Variants in FRMPD4 observed in about 807,000 individuals in gnomAD.
FRMPD4 encodes the protein FERM and PDZ domain-containing protein 4.
A neutral mutation model predicts 94.1 loss-of-function variants in FRMPD4; 22 were observed. That is an observed-to-expected ratio of 0.23 (90% CI 0.17 to 0.33). FRMPD4 has a LOEUF of 0.33. FRMPD4 is among the 10% of genes least tolerant of loss of function. The pLI is 1.00. For missense variants in FRMPD4, 1,111 were observed against 1,339.9 expected (o/e 0.83, Z 2.67); for synonymous variants, 631 against 548.6 (o/e 1.15, Z -2.10).
chrX:12,356,525 G>C (rs1322844720), intron 1 of FRMPD4, among the ~76,000 whole-genome samples: 2 of 111,176 alleles, frequency 1.8e-5, no homozygotes, highest in African/African-American at 6.5e-5. Context: ...TGGAACCCTT[G>C]TGATGGGATT....
chrX:12,093,023 G>A lies in FRMPD4; in HGVS notation c.95+215005G>A, dbSNP rs1043574425. On this transcript the variant is annotated intron_variant, in intron 3 of 18. Coordinates refer to the FRMPD4 transcript ENST00000640291. ...TAGGGGGAAAAGTTCTAGAAAGAGG[G>A]AACCACAAGGGCATAGACCTTGAGG... Among the ~76,000 whole-genome samples the A allele has an allele frequency of 4.5e-5, 5 of 111,261 alleles. 1 individual carries two copies. Among genetic ancestry groups the A allele is most frequent in the Admixed American group, 1.9e-4 (2 of 10,465 alleles).
At chrX:12,412,988 A>C (rs773029164) in intron 1 of FRMPD4, among the ~76,000 whole-genome samples, 65 of 111,472 alleles carry the variant, frequency 5.8e-4, no homozygotes, top group Non-Finnish European at 8.1e-4. Context: ...AAAAAAAAAA[A>C]ACACACATTT....
chrX:12,681,438 T>C (rs764695563), intron 5 of FRMPD4, among the ~76,000 whole-genome samples: 17 of 112,601 alleles, frequency 1.5e-4, no homozygotes, highest in Non-Finnish European at 2.8e-4. Context: ...GCAGGACTTT[T>C]AAAAGTCACG....
intron 1 of FRMPD4, among the ~76,000 whole-genome samples, chrX:12,335,809 G>A (rs1315688108): frequency 8.9e-6 from 1 of 112,322 alleles, no homozygotes; most frequent in Non-Finnish European, 1.9e-5. Flanking sequence ...CCAAGCAAAG[G>A]TATGGTCCTC....
intron 1 of FRMPD4, among the ~76,000 whole-genome samples, chrX:12,448,926 G>A (rs2057232270): frequency 9.0e-6 from 1 of 111,321 alleles, no homozygotes; most frequent in Non-Finnish European, 1.9e-5. Flanking sequence ...TGATGCTTAA[G>A]GGTGCTTAGG....
intron 1 of FRMPD4, among the ~76,000 whole-genome samples, chrX:12,404,439 A>T (rs1601904932): frequency 8.9e-6 from 1 of 112,454 alleles, no homozygotes; most frequent in Non-Finnish European, 1.9e-5. Context: ...GTCTTGTAGA[A>T]TATCTCAACT....
At chrX:12,027,086 C>G (rs768753055) in intron 3 of FRMPD4, among the ~76,000 whole-genome samples, 1 of 112,146 alleles carries the variant, frequency 8.9e-6, no homozygotes, top group Non-Finnish European at 1.9e-5. Flanking sequence ...CACAAGGCAG[C>G]TTATTTGATT....
intron 1 of FRMPD4, among the ~76,000 whole-genome samples, chrX:12,167,311 C>T (rs764503479): frequency 8.9e-6 from 1 of 111,855 alleles, no homozygotes; most frequent in East Asian, 2.8e-4. Flanking sequence ...TTGTTATGTA[C>T]CCAGTAGTCA....
At chrX:12,215,401 C>T (rs1197239206) in intron 1 of FRMPD4, among the ~76,000 whole-genome samples, 2 of 111,072 alleles carry the variant, frequency 1.8e-5, no homozygotes, top group Non-Finnish European at 3.8e-5. Flanking sequence ...TCTTCTTAAC[C>T]TCCTGCCCCT....
chrX:11,907,760 A>G (rs2053975725), intron 3 of FRMPD4, among the ~76,000 whole-genome samples: 1 of 111,851 alleles, frequency 8.9e-6, no homozygotes, highest in African/African-American at 3.3e-5. Context: ...TTGCAATAAC[A>G]TATTGTAGAA....
At chrX:12,510,611 T>G (rs149008462) in intron 2 of FRMPD4, among the ~76,000 whole-genome samples, 6,662 of 111,829 alleles carry the variant, frequency 0.06, 163 homozygotes, top group East Asian at 0.12. Context: ...TAAAGACCAG[T>G]TGAAAAGTTA....
chrX:12,597,403 A>G (rs2059041985), intron 2 of FRMPD4, among the ~76,000 whole-genome samples: 1 of 112,508 alleles, frequency 8.9e-6, no homozygotes, highest in South Asian at 3.7e-4. Context: ...GTATTGACAA[A>G]TAGAACTGAG....
intron 1 of FRMPD4, among the ~76,000 whole-genome samples, chrX:12,385,532 G>A: frequency 8.9e-6 from 1 of 112,076 alleles, no homozygotes; most frequent in Middle Eastern, 4.6e-3. Flanking sequence ...ATTGTCACAA[G>A]GTCAGTAATT....
intron 1 of FRMPD4, among the ~76,000 whole-genome samples, chrX:11,836,501 C>A (rs2053502233): frequency 9.0e-6 from 1 of 111,585 alleles, no homozygotes; most frequent in African/African-American, 3.3e-5. Flanking sequence ...AATTATCACT[C>A]CTACTCTGAA....
At chrX:11,989,121 A>G (rs780281052) in intron 3 of FRMPD4, among the ~76,000 whole-genome samples, 1 of 112,070 alleles carries the variant, frequency 8.9e-6, no homozygotes, top group Admixed American at 9.5e-5. Context: ...ACCCAAAAGA[A>G]AGGAAGTAAA....
At chrX:12,576,968 A>T (rs1044147642) in intron 2 of FRMPD4, among the ~76,000 whole-genome samples, 4 of 111,778 alleles carry the variant, frequency 3.6e-5, no homozygotes, top group Non-Finnish European at 7.5e-5. Context: ...ATTCCATGAT[A>T]GTTGTCAATT....
intron 1 of FRMPD4, among the ~76,000 whole-genome samples, chrX:12,474,804 T>C (rs1471213306): frequency 9.0e-6 from 1 of 111,258 alleles, no homozygotes; most frequent in Non-Finnish European, 1.9e-5. Context: ...GGCTCTGAAA[T>C]TGAGGCAATA....
intron 3 of FRMPD4, among the ~76,000 whole-genome samples, chrX:11,961,908 A>G (rs1375147927): frequency 9.3e-6 from 1 of 107,739 alleles, no homozygotes; most frequent in Non-Finnish European, 1.9e-5. Context: ...AATGTTAAAA[A>G]GAAAAAAAAA....
chrX:12,702,375 G>T (rs770008235), intron 10 of FRMPD4, among the ~76,000 whole-genome samples: 3 of 111,873 alleles, frequency 2.7e-5, no homozygotes, highest in Non-Finnish European at 3.8e-5. Flanking sequence ...CGAGCAAACC[G>T]AGTCATAGAA....
Sources: allele counts gnomAD v4.1 joint callset (sites outside exome capture counted in the v4.1 genomes callset), GRCh38; gene constraint gnomAD v4.1.1; transcripts MANE v1.5; gene names NCBI Gene and HGNC (gene_info 2026-07-23, HGNC 2026-07-21).